Variants in JMJD1C observed in about 807,000 individuals in gnomAD.
The protein encoded by JMJD1C is jumonji domain containing 1C, also known as jumonji domain-containing protein 1C.
In JMJD1C, 31 loss-of-function variants were observed where a neutral mutation model predicts 245.3. The ratio of observed to expected loss-of-function variants is 0.13; its 90% confidence interval spans 0.09 to 0.17. JMJD1C has a LOEUF of 0.17. JMJD1C is among the 10% of genes least tolerant of loss of function. The pLI, the probability that JMJD1C is intolerant of heterozygous loss-of-function variation, is 1.00. For missense variants in JMJD1C, 2,691 were observed against 3,000.2 expected, an observed-to-expected ratio of 0.90 and a Z score of 2.41; for synonymous variants, 1,057 against 1,017.4, an observed-to-expected ratio of 1.04 and a Z score of -0.74.
At chr10:63,420,061 G>A (rs896075635) in intron 1 of JMJD1C, among the ~76,000 whole-genome samples, 4 of 151,436 alleles carry the variant, frequency 2.6e-5, no homozygotes, top group African/African-American at 7.3e-5. Flanking sequence ...GCTTGAACCC[G>A]GGAGGCAGAA....
intron 1 of JMJD1C, among the ~76,000 whole-genome samples, chr10:63,513,331 G>C (rs1258176319): frequency 2.0e-5 from 3 of 152,076 alleles, no homozygotes; most frequent in Non-Finnish European, 4.4e-5. Flanking sequence ...AGACTTCAAT[G>C]TAAGACCTCA....
chr10:63,238,052 G>A (rs1197352596), intron 3 of JMJD1C, among the ~76,000 whole-genome samples: 2 of 146,534 alleles, frequency 1.4e-5, no homozygotes, highest in Admixed American at 1.4e-4. Context: ...ATGGAGGCAG[G>A]TGCCTGTAAT....
At chr10:63,335,686 T>C (rs1942650460) in intron 2 of JMJD1C, among the ~76,000 whole-genome samples, 1 of 152,158 alleles carries the variant, frequency 6.6e-6, no homozygotes, top group African/African-American at 2.4e-5. Context: ...AATTTCTGTA[T>C]TTTTAGTACA....
intron 25 of JMJD1C, 84 bp downstream of exon 25, chr10:63,168,351 A>G: frequency 7.3e-7 from 1 of 1,365,858 alleles, no homozygotes; most frequent in Non-Finnish European, 1.0e-6. Context: ...CAACTAGGCA[A>G]TGACTGCCTA....
intron 1 of JMJD1C, among the ~76,000 whole-genome samples, chr10:63,509,722 CTTT>C (rs1954819350): frequency 6.6e-6 from 1 of 152,090 alleles, no homozygotes; most frequent in African/African-American, 2.4e-5. Context: ...CCTTTATCAT[CTTT>C]TTAATGTCAA....
rs1443011698 is a variant in JMJD1C at position 63,202,648 on chromosome 10, G to A, written c.5075-1971C>T. On this transcript the variant is annotated intron_variant, in intron 10 of 25. Coordinates refer to ENST00000399262, the MANE Select transcript of JMJD1C (RefSeq NM_032776.3). ...CTAACTTAGGGTAAGGAGCCATTTGGCTTAATCCACTAGAGAAACACCCAT... is the reference window on the plus strand; with the variant it reads ...CTAACTTAGGGTAAGGAGCCATTTGACTTAATCCACTAGAGAAACACCCAT... 3.0e-6 allele frequency: 3 copies of A among 985,232 alleles called. 1 individual carries two copies. The highest frequency in any genetic ancestry group is 3.6e-6 in the Non-Finnish European group (3 of 829,922). The allele number at this position is 985,232 out of a possible 1,614,324, so 61.0% of individuals were successfully genotyped here. A position where few individuals can be genotyped will look rare whatever the true frequency, so the allele number is the denominator to read the frequency against.
At chr10:63,185,416 G>A in intron 20 of JMJD1C, 147 bp downstream of exon 20, 1 of 650,488 alleles carries the variant, frequency 1.5e-6, no homozygotes, top group South Asian at 1.8e-5. Context: ...ATAGGCGTGA[G>A]CCACTATGAC....
intron 1 of JMJD1C, among the ~76,000 whole-genome samples, chr10:63,389,457 T>C (rs1280492184): frequency 2.8e-4 from 30 of 105,912 alleles, no homozygotes; most frequent in Non-Finnish European, 4.7e-4. Flanking sequence ...TTTTTTTTCC[T>C]TTTTTTTTTT....
intron 1 of JMJD1C, among the ~76,000 whole-genome samples, chr10:63,414,307 T>TA (rs1352624944): frequency 1.3e-5 from 2 of 152,146 alleles, no homozygotes; most frequent in African/African-American, 4.8e-5. Context: ...TTTCTAGTAT[T>TA]AAACACTAAG....
chr10:63,369,372 C>T (rs1439592413), intron 2 of JMJD1C, among the ~76,000 whole-genome samples: 1 of 151,854 alleles, frequency 6.6e-6, no homozygotes, highest in Non-Finnish European at 1.5e-5. Context: ...GAACTCCTAA[C>T]CTCAAGTGAT....
At chr10:63,356,807 A>G (rs748894245) in intron 2 of JMJD1C, among the ~76,000 whole-genome samples, 1 of 152,182 alleles carries the variant, frequency 6.6e-6, no homozygotes, top group Non-Finnish European at 1.5e-5. Context: ...ATACAGGAAG[A>G]GAAAGAGAGA....
intron 1 of JMJD1C, among the ~76,000 whole-genome samples, chr10:63,385,899 G>GA (rs1294166566): frequency 6.6e-6 from 1 of 151,486 alleles, no homozygotes; most frequent in Non-Finnish European, 1.5e-5. Flanking sequence ...ATAAAAAGTA[G>GA]AAAAAAATGA....
intron 2 of JMJD1C, among the ~76,000 whole-genome samples, chr10:63,318,311 T>A (rs1219953791): frequency 2.6e-5 from 4 of 152,198 alleles, no homozygotes; most frequent in Non-Finnish European, 5.9e-5. Flanking sequence ...ATTACAAGTG[T>A]CAGCCACCAC....
At chr10:63,403,553 T>C (rs1948990273) in intron 1 of JMJD1C, among the ~76,000 whole-genome samples, 1 of 152,236 alleles carries the variant, frequency 6.6e-6, no homozygotes, top group Admixed American at 6.5e-5. Flanking sequence ...GGATTAAGCA[T>C]GACAACAAAA....
At chr10:63,380,142 C>CT (rs1351563675) in intron 2 of JMJD1C, 176 bp downstream of exon 2, 2 of 516,320 alleles carry the variant, frequency 3.9e-6, no homozygotes, top group East Asian at 3.5e-5. Context: ...TGGGGTCTCG[C>CT]TTTTTTGCCC....
intron 3 of JMJD1C, among the ~76,000 whole-genome samples, chr10:63,253,477 G>A (rs1473074781): frequency 1.3e-5 from 2 of 151,468 alleles, no homozygotes; most frequent in East Asian, 2.0e-4. Flanking sequence ...TCTGCCTCCC[G>A]GGCTCAAACG....
intron 1 of JMJD1C, among the ~76,000 whole-genome samples, chr10:63,503,074 G>C (rs1429850050): frequency 6.6e-6 from 1 of 152,252 alleles, no homozygotes; most frequent in South Asian, 2.1e-4. Flanking sequence ...ATGTAAAAAA[G>C]CTTAGCCCTT....
chr10:63,218,559 T>C (rs1232066996), intron 4 of JMJD1C, among the ~76,000 whole-genome samples: 1 of 152,090 alleles, frequency 6.6e-6, no homozygotes, highest in Non-Finnish European at 1.5e-5. Context: ...TATGATCAGT[T>C]TTCAATTCCC....
intron 1 of JMJD1C, among the ~76,000 whole-genome samples, chr10:63,408,311 G>C (rs1307837065): frequency 6.6e-6 from 1 of 151,972 alleles, no homozygotes; most frequent in Admixed American, 6.6e-5. Flanking sequence ...GCTGAGGCAG[G>C]AGAATCACTT....
Sources: gnomAD v4.1 joint callset for allele counts (sites outside exome capture counted in the v4.1 genomes callset) on GRCh38, gnomAD v4.1.1 for gene constraint, MANE v1.5 for transcripts, NCBI Gene and HGNC (gene_info 2026-07-23, HGNC 2026-07-21) for gene names.